PDE4D: variants seen among roughly 807,000 people sequenced by gnomAD.
PDE4D encodes the protein phosphodiesterase 4D, also known as 3',5'-cyclic-AMP phosphodiesterase 4D.
PDE4D carries 24 observed loss-of-function variants against 87.4 expected under a neutral mutation model. The ratio of observed to expected loss-of-function variants is 0.27; its 90% CI spans 0.20 to 0.39. The LOEUF (loss-of-function observed/expected upper bound fraction) is 0.39. Among genes scored for constraint, PDE4D ranks in the 10% least tolerant of loss-of-function variants. The pLI, the probability that PDE4D is intolerant of heterozygous loss-of-function variation, is 1.00. For missense variants in PDE4D, 714 were observed against 1,041.0 expected (o/e 0.69, Z 4.32); for synonymous variants, 384 against 383.2 (o/e 1.00, Z -0.02).
At chr5:59,665,488 A>G (rs1176304339) in intron 1 of PDE4D, among the ~76,000 whole-genome samples, 2 of 152,242 alleles carry the variant, frequency 1.3e-5, no homozygotes, top group African/African-American at 2.4e-5. Context: ...GAAAAAGACT[A>G]TAACTTCATC....
At chr5:59,545,340 C>G (rs1259528185) in intron 1 of PDE4D, among the ~76,000 whole-genome samples, 1 of 151,752 alleles carries the variant, frequency 6.6e-6, no homozygotes, top group East Asian at 2.0e-4. Context: ...GATTCCAAGA[C>G]CACTCACGTA....
Position 59,807,340 on chromosome 5 carries a change from G to A in PDE4D, c.455+85828C>T, listed in dbSNP as rs142756464. Among the ~76,000 whole-genome samples, 890 of 152,252 alleles carry A rather than the reference G, an allele frequency of 5.8e-3. 8 individuals carry two copies. Among genetic ancestry groups the A allele is most frequent in the African/African-American group, 0.021 (854 of 41,538 alleles). On this transcript the variant is annotated intron_variant, in intron 1 of 14. Coordinates refer to ENST00000340635, the MANE Select transcript of PDE4D (RefSeq NM_001104631.2). Reference sequence around the variant, plus strand: ...ACCGTGACCTGGGAGCTCATGGCCCGTATCAGCTAACAGGGCCTGTGGGGT... The same window carrying A: ...ACCGTGACCTGGGAGCTCATGGCCCATATCAGCTAACAGGGCCTGTGGGGT...
At chr5:60,324,999 A>T (rs1756653806) in intron 1 of PDE4D, among the ~76,000 whole-genome samples, 1 of 152,214 alleles carries the variant, frequency 6.6e-6, no homozygotes, top group South Asian at 2.1e-4. Context: ...AGAGGAAAAA[A>T]CTAAAAGAAC....
chr5:58,989,977 G>T (rs1039614740), intron 9 of PDE4D, 58 bp from the exon 10 acceptor site: 3 of 1,034,494 alleles, frequency 2.9e-6, no homozygotes, highest in African/African-American at 2.8e-5. Flanking sequence ...TTTCTCCATA[G>T]AGTATGTTTA....
chr5:60,276,572 C>A (rs1297536605), intron 1 of PDE4D, among the ~76,000 whole-genome samples: 1 of 152,094 alleles, frequency 6.6e-6, no homozygotes, highest in African/African-American at 2.4e-5. Flanking sequence ...AATAAGACAC[C>A]CAGCTGTAAC....
intron 1 of PDE4D, among the ~76,000 whole-genome samples, chr5:60,342,170 A>C (rs999335226): frequency 1.3e-5 from 2 of 152,196 alleles, no homozygotes; most frequent in Non-Finnish European, 2.9e-5. Context: ...CTGCTTTATA[A>C]TCAAAAGGCT....
At chr5:59,392,440 G>A (rs1788413273) in intron 1 of PDE4D, among the ~76,000 whole-genome samples, 1 of 151,006 alleles carries the variant, frequency 6.6e-6, no homozygotes, top group African/African-American at 2.4e-5. Flanking sequence ...GGCCTATTGT[G>A]GAACGTTGTG....
At chr5:59,762,111 T>A (rs1262480743) in intron 1 of PDE4D, among the ~76,000 whole-genome samples, 1 of 151,952 alleles carries the variant, frequency 6.6e-6, no homozygotes, top group African/African-American at 2.4e-5. Flanking sequence ...TATATATATA[T>A]GTGTGTATAT....
At chr5:60,388,063 A>G (rs1055121754) in intron 1 of PDE4D, among the ~76,000 whole-genome samples, 1 of 152,200 alleles carries the variant, frequency 6.6e-6, no homozygotes, top group Non-Finnish European at 1.5e-5. Context: ...CAAAGGATAC[A>G]GATGTGTAGG....
At chr5:60,150,736 G>A (rs888019008) in intron 2 of PDE4D, among the ~76,000 whole-genome samples, 3 of 152,154 alleles carry the variant, frequency 2.0e-5, no homozygotes, top group Non-Finnish European at 4.4e-5. Context: ...CATCTAAACA[G>A]AGATAGAAGA....
chr5:60,251,436 A>G (rs1395643296), intron 1 of PDE4D, among the ~76,000 whole-genome samples: 1 of 151,798 alleles, frequency 6.6e-6, no homozygotes, highest in Non-Finnish European at 1.5e-5. Flanking sequence ...TTTAGCTCCC[A>G]CTTGTAAGTG....
chr5:59,448,334 T>C (rs1435483340), intron 1 of PDE4D, among the ~76,000 whole-genome samples: 1 of 152,164 alleles, frequency 6.6e-6, no homozygotes, highest in Non-Finnish European at 1.5e-5. Flanking sequence ...CTTCTCCATG[T>C]TCATTTCCCT....
At chr5:59,513,516 C>T (rs143462569) in intron 1 of PDE4D, among the ~76,000 whole-genome samples, 1,812 of 152,250 alleles carry the variant, frequency 0.012, 18 homozygotes, top group South Asian at 0.023. Flanking sequence ...GTTCAACCTC[C>T]TTTCACAAAT....
chr5:60,431,175 C>A (rs1337082182), intron 1 of PDE4D: 2 of 197,060 alleles, frequency 1.0e-5, no homozygotes, highest in African/African-American at 4.8e-5. Flanking sequence ...GGGGGGCTGA[C>A]CCCCCCACCT....
intron 3 of PDE4D, among the ~76,000 whole-genome samples, chr5:59,951,735 A>G (rs1165636756): frequency 6.6e-6 from 1 of 152,212 alleles, no homozygotes. Flanking sequence ...CCCTCTACAT[A>G]GAAGCCATAT....
intron 1 of PDE4D, among the ~76,000 whole-genome samples, chr5:59,260,217 T>G (rs1172182412): frequency 6.6e-6 from 1 of 151,838 alleles, no homozygotes; most frequent in Non-Finnish European, 1.5e-5. Flanking sequence ...AACTATTTAT[T>G]CAGAAACATT....
chr5:59,790,546 A>G (rs1015476185), intron 1 of PDE4D, among the ~76,000 whole-genome samples: 1 of 152,202 alleles, frequency 6.6e-6, no homozygotes, highest in East Asian at 1.9e-4. Flanking sequence ...CCCAAAGTGA[A>G]TAACAGGATG....
chr5:60,290,344 C>T lies in PDE4D; in HGVS notation c.-89-104657G>A, dbSNP rs377173734. On this transcript the variant is annotated intron_variant, in intron 1 of 16. Transcript: ENST00000502484. Reference sequence around the variant, plus strand: ...TTACATTCTGAAGATCTCAAGGAAACAAAATGTATAAGGAACAAAAAAAGA... The same window carrying T: ...TTACATTCTGAAGATCTCAAGGAAATAAAATGTATAAGGAACAAAAAAAGA... Among the ~76,000 whole-genome samples, 44 of 151,712 alleles carry T rather than the reference C, an allele frequency of 2.9e-4. No individual in the cohort carries two copies. In the South Asian group the frequency reaches 4.4e-3, roughly 15 times the overall value.
chr5:60,147,736 C>G (rs1047356281), intron 2 of PDE4D: 1 of 454,622 alleles, frequency 2.2e-6, no homozygotes, highest in South Asian at 1.6e-5. Context: ...AAGCACTTCT[C>G]GAGTCACTCA....
Sources: gnomAD v4.1 joint callset for allele counts (sites outside exome capture counted in the v4.1 genomes callset) on GRCh38, gnomAD v4.1.1 for gene constraint, MANE v1.5 for transcripts, NCBI Gene and HGNC (gene_info 2026-07-23, HGNC 2026-07-21) for gene names.